OXR1: variants seen among roughly 807,000 people sequenced by gnomAD.
The protein encoded by OXR1 is oxidation resistance protein 1.
In OXR1, 41 loss-of-function variants were observed where a neutral mutation model predicts 104.6. The observed-to-expected ratio is 0.39, with a 90% CI of 0.31 to 0.51. The LOEUF (loss-of-function observed/expected upper bound fraction) is 0.51. OXR1 is among the 20% of genes least tolerant of loss of function. The pLI, the probability that OXR1 is intolerant of heterozygous loss-of-function variation, is 0.77. For missense variants in OXR1, 955 were observed against 1,031.9 expected, an observed-to-expected ratio of 0.93 and a Z score of 1.02; for synonymous variants, 348 against 348.4, an observed-to-expected ratio of 1.00 and a Z score of 0.01.
chr8:106,447,906 G>GA (rs1304125515), intron 2 of OXR1: 1 of 1,514,290 alleles, frequency 6.6e-7, no homozygotes, highest in African/African-American at 1.4e-5. Context: ...GCTCCTGGCG[G>GA]AGGTAGTGGG....
intron 15 of OXR1, among the ~76,000 whole-genome samples, chr8:106,744,964 A>G (rs903590617): frequency 7.2e-5 from 11 of 152,196 alleles, no homozygotes; most frequent in African/African-American, 2.4e-4. Flanking sequence ...AGCAACAGCT[A>G]CTTGAAAGCT....
At chr8:106,449,362 A>G (rs756026261) in intron 2 of OXR1, among the ~76,000 whole-genome samples, 2 of 152,206 alleles carry the variant, frequency 1.3e-5, no homozygotes, top group African/African-American at 2.4e-5. Context: ...CACAGAACCA[A>G]TAGAATTACC....
At chr8:106,571,603 C>G (rs914602404) in intron 3 of OXR1, among the ~76,000 whole-genome samples, 3 of 152,104 alleles carry the variant, frequency 2.0e-5, no homozygotes, top group African/African-American at 7.2e-5. Context: ...TATATTTATT[C>G]CATCCCAACA....
chr8:106,353,365 AAATAATAAT>A (rs71307055), intron 1 of OXR1, among the ~76,000 whole-genome samples: 14 of 147,414 alleles, frequency 9.5e-5, no homozygotes, highest in Admixed American at 2.7e-4. Flanking sequence ...CTCTGTCTCA[AAATAATAAT>A]AATAATAATA....
At chr8:106,644,279 A>G (rs1823893859) in intron 3 of OXR1, among the ~76,000 whole-genome samples, 1 of 152,248 alleles carries the variant, frequency 6.6e-6, no homozygotes, top group African/African-American at 2.4e-5. Context: ...TTTTCAGAAT[A>G]TAGACATGGC....
At chr8:106,749,342 C>CA (rs1255701170) in intron 16 of OXR1, among the ~76,000 whole-genome samples, 9,821 of 84,184 alleles carry the variant, frequency 0.12, 463 homozygotes, top group Admixed American at 0.18. Context: ...GACTCTGTCT[C>CA]AAAAAAAAAA....
intron 3 of OXR1, among the ~76,000 whole-genome samples, chr8:106,565,963 A>G (rs1214189002): frequency 3.3e-5 from 5 of 152,352 alleles, no homozygotes; most frequent in Non-Finnish European, 7.3e-5. Flanking sequence ...CACCTTATAC[A>G]AAAATTAACT....
At position 106,706,567 on chromosome 8, in the gene OXR1, A is replaced by G. The variant is rs532996428; in HGVS notation, c.1046A>G (p.Glu349Gly). 1.9e-6 allele frequency: 3 copies of G among 1,611,328 alleles called. No individual in the cohort carries two copies. The highest frequency in any genetic ancestry group is 2.5e-6 in the Non-Finnish European group (3 of 1,179,146). ...GAATCAGAACTTTCCCCTATACGAG[A>G]GGAGCTTGTATCTTCAGATGAACTG... Reference protein sequence around the residue: ...FTESELSPIREELVSSDELRQ... With the variant: ...FTESELSPIRGELVSSDELRQ... Residue 349 changes from glutamate to glycine, a missense_variant, in exon 9 of 17, where the codon GAG (glutamate) becomes GGG (glycine). By Grantham distance (98) the Glu-to-Gly change is moderately conservative. This residue lies in a region of OXR1 where 849 missense variants were observed against 852.9 expected (regional missense o/e 1.00). Coordinates refer to ENST00000517566, the MANE Select transcript of OXR1 (RefSeq NM_001198533.2).
rs904498646 is a variant in OXR1 at position 106,454,951 on chromosome 8, C to T, written c.24-63992C>T. 3.3e-5 allele frequency among the ~76,000 whole-genome samples: 5 copies of T among 152,194 alleles called. 1 individual carries two copies. In the South Asian group the frequency reaches 1.0e-3, roughly 32 times the overall value. Reference sequence around the variant, plus strand: ...TGTATACTTATTTGAATACTTCTGACAATTTTTAGTATGCATGTTGAAAGA... The same window carrying T: ...TGTATACTTATTTGAATACTTCTGATAATTTTTAGTATGCATGTTGAAAGA... On this transcript the variant is annotated intron_variant, in intron 2 of 16. Coordinates refer to ENST00000517566, the MANE Select transcript of OXR1 (RefSeq NM_001198533.2).
intron 2 of OXR1, among the ~76,000 whole-genome samples, chr8:106,388,532 C>T (rs986107851): frequency 1.3e-5 from 2 of 152,068 alleles, no homozygotes; most frequent in African/African-American, 2.4e-5. Context: ...AAGCGATTCT[C>T]CTGCCTCAGC....
At chr8:106,609,075 C>T (rs1349656955) in intron 3 of OXR1, among the ~76,000 whole-genome samples, 3 of 152,046 alleles carry the variant, frequency 2.0e-5, no homozygotes, top group Non-Finnish European at 4.4e-5. Context: ...GAGAGAAAAA[C>T]ATAACATAAC....
chr8:106,726,974 G>T (rs1444116317), intron 11 of OXR1, among the ~76,000 whole-genome samples: 1 of 152,112 alleles, frequency 6.6e-6, no homozygotes, highest in Non-Finnish European at 1.5e-5. Flanking sequence ...AATTGTAGAT[G>T]ATTTAAAATC....
At chr8:106,553,510 A>G (rs1217569430) in intron 3 of OXR1, among the ~76,000 whole-genome samples, 1 of 151,910 alleles carries the variant, frequency 6.6e-6, no homozygotes, top group Non-Finnish European at 1.5e-5. Flanking sequence ...TCTAGAGACC[A>G]GGTTTTGCCA....
At chr8:106,436,525 A>AAC (rs1434553663) in intron 2 of OXR1, among the ~76,000 whole-genome samples, 1 of 150,486 alleles carries the variant, frequency 6.6e-6, no homozygotes, top group Non-Finnish European at 1.5e-5. Context: ...GCCTATGCAA[A>AAC]AAAAAAAAAT....
chr8:106,671,354 CA>C (rs1478639392), intron 3 of OXR1, among the ~76,000 whole-genome samples: 21 of 151,970 alleles, frequency 1.4e-4, no homozygotes, highest in Admixed American at 1.4e-3. Context: ...AATATGAGAG[CA>C]AAACTAAATC....
At chr8:106,726,166 T>TA in intron 11 of OXR1, 1 of 1,475,408 alleles carries the variant, frequency 6.8e-7, no homozygotes, top group Non-Finnish European at 8.9e-7. Context: ...GCTGGAAATT[T>TA]ATCTTTGACA....
chr8:106,677,595 A>G (rs2131200495), intron 3 of OXR1, among the ~76,000 whole-genome samples: 1 of 152,196 alleles, frequency 6.6e-6, no homozygotes, highest in Non-Finnish European at 1.5e-5. Context: ...TATGAGTGAG[A>G]TTGAACAACA....
At chr8:106,602,429 C>G (rs1820043211) in intron 3 of OXR1, among the ~76,000 whole-genome samples, 1 of 152,040 alleles carries the variant, frequency 6.6e-6, no homozygotes, top group Non-Finnish European at 1.5e-5. Flanking sequence ...GGAAGTGAAA[C>G]AGGGCTAGCT....
chr8:106,383,608 T>C (rs1233102896), intron 2 of OXR1, among the ~76,000 whole-genome samples: 1 of 152,176 alleles, frequency 6.6e-6, no homozygotes. Context: ...CAGCATGTAG[T>C]GAGTGTACAC....
Sources: allele counts gnomAD v4.1 joint callset (sites outside exome capture counted in the v4.1 genomes callset), GRCh38; gene constraint gnomAD v4.1.1; regional missense constraint gnomAD v4.1.1; transcripts MANE v1.5; gene names NCBI Gene and HGNC (gene_info 2026-07-23, HGNC 2026-07-21).